Variants in LY6G6F observed in about 807,000 individuals in gnomAD.
LY6G6F encodes lymphocyte antigen 6 complex locus protein G6f.
A neutral mutation model predicts 33.0 loss-of-function variants in LY6G6F; 26 were observed. That is an observed-to-expected ratio of 0.79 (90% CI 0.58 to 1.09). The LOEUF is 1.09. Ranked by LOEUF, LY6G6F falls within the 50% of genes least tolerant of loss-of-function variation. The pLI, the probability that LY6G6F is intolerant of heterozygous loss-of-function variation, is 0.00. For synonymous variants in LY6G6F, 132 were observed against 148.1 expected (o/e 0.89, Z 0.79); for missense variants, 317 against 372.0 (o/e 0.85, Z 1.22).
At chr6:31,708,486 T>C in intron 3 of LY6G6F, among the ~76,000 whole-genome samples, 1 of 152,192 alleles carries the variant, frequency 6.6e-6, no homozygotes, top group East Asian at 1.9e-4. Flanking sequence ...CACATCTGGC[T>C]ATTTTTTCTT....
In LY6G6F at chr6:31,707,572, G is replaced by A. The variant is rs781440872; in HGVS notation, c.167G>A (p.Gly56Asp). Residue 56 changes from glycine (G) to aspartate (D), a missense_variant, in exon 2 of 6, where the codon GGC becomes GAC. Physicochemically the swap from Gly to Asp is moderately conservative, Grantham distance 94. Transcript: ENST00000375832. This position sits in a 1 kb window ranked among gnomAD's most constrained non-coding sequence, Gnocchi z 4.1. ...HLSWFCSPAA[G>D]SFTTLVAQVQ... Reference sequence around the variant, plus strand: ...TCATGGTTCTGCAGCCCTGCAGCAGGCTCCTTCACCACCCTGGTAGCCCAA... The same window carrying A: ...TCATGGTTCTGCAGCCCTGCAGCAGACTCCTTCACCACCCTGGTAGCCCAA... The A allele has an allele frequency of 6.2e-7, 1 of 1,613,840 alleles. No homozygotes were observed. Among genetic ancestry groups the A allele is most frequent in the African/African-American group, 1.3e-5 (1 of 74,922 alleles).
Position 31,710,145 on chromosome 6 carries a change from C to T in LY6G6F, c.766C>T (p.Leu256Phe). ...GVVILALSIV[L>F]WRQRVRGAPG... The stretch of plus-strand genomic sequence containing the variant: ...TGTCATCCTGGCCCTCAGCATCGTG[C>T]TCTGGAGGCAGAGGGTCCGTGGGGC... The change falls in exon 4 of 6, where the codon CTC becomes TTC. Residue 256 changes from leucine to phenylalanine, a missense_variant. Physicochemically the swap from Leu to Phe is conservative, Grantham distance 22. Transcript: ENST00000375832. This position sits in a 1 kb window ranked among gnomAD's most constrained non-coding sequence, Gnocchi z 4.7. 1 of 1,612,944 alleles carries T rather than the reference C, an allele frequency of 6.2e-7. No individual in the cohort carries two copies.
rs71552074 is a variant in LY6G6F at position 31,709,064 on chromosome 6, CTTTTTTTTTT to C, written c.647-945_647-936del. On this transcript the variant is annotated intron_variant, in intron 3 of 5. Transcript: ENST00000375832. ...ATAGGTGTGAGCCACCACGCCTGGC[CTTTTTTTTTT>C]TTTTTTTTTTTTTTTTGGGATGGAG... Among the ~76,000 whole-genome samples the C allele has an allele frequency of 5.2e-3, 273 of 52,212 alleles. 3 individuals carry two copies. The highest frequency in any genetic ancestry group is 0.025 in the African/African-American group (254 of 10,034). 34.3% of individuals were successfully genotyped at this position (52,212 alleles called of 152,430 possible).
Position 31,707,947 on chromosome 6 carries a change from C to T in LY6G6F, c.459C>T (p.Arg153=). ...VLLCSVVPSR[R]MDSVTWQEGK... is the part of the protein sequence containing the mutation. ...TGTGCTCTGTGGTCCCCAGCAGACG[C>T]ATGGACTCTGTGACCTGGCAGGAAG... The change falls in exon 3 of 6, where the codon CGC becomes CGT. Residue 153 remains arginine (R), a synonymous_variant. Transcript: ENST00000375832. This position sits in a 1 kb window ranked among gnomAD's most constrained non-coding sequence, Gnocchi z 4.1. 2 of 1,613,214 alleles carry T rather than the reference C, an allele frequency of 1.2e-6. No individual in the cohort carries two copies. Among genetic ancestry groups the T allele is most frequent in the Non-Finnish European group, 1.7e-6 (2 of 1,180,032 alleles).
In LY6G6F at chr6:31,710,359, G is replaced by A. The variant is rs761547778; in HGVS notation, c.810G>A (p.Ser270=). ...ATGGCTCCTTCTCCCCAGATGCCTCGATTCCTCAGTTCAAACCCGAAATCC... is the reference window on the plus strand; with the variant it reads ...ATGGCTCCTTCTCCCCAGATGCCTCAATTCCTCAGTTCAAACCCGAAATCC... ...RVRGAPGRDA[S]IPQFKPEIQV... Residue 270 remains serine (S), a synonymous_variant, in exon 5 of 6, where the codon TCG becomes TCA. Coordinates refer to ENST00000375832, the MANE Select transcript of LY6G6F (RefSeq NM_001003693.3). The surrounding 1 kb of genome is among the most constrained non-coding windows in gnomAD (Gnocchi z 4.7). 4.3e-6 allele frequency: 7 copies of A among 1,613,990 alleles called. No homozygotes were observed. The highest frequency in any genetic ancestry group is 2.2e-5 in the South Asian group (2 of 91,078).
rs181304187 is a variant in LY6G6F at position 31,707,406 on chromosome 6, G to A, written c.53-52G>A. 138 of 1,513,366 alleles carry A rather than the reference G, an allele frequency of 9.1e-5. No homozygotes were observed. In the East Asian group the frequency reaches 2.8e-3, roughly 31 times the overall value. The allele number at this position is 1,513,366 out of a possible 1,614,324, so 93.7% of individuals were successfully genotyped here. A position where few individuals can be genotyped will look rare whatever the true frequency, so the allele number is the denominator to read the frequency against. The stretch of plus-strand genomic sequence containing the variant: ...AAGCCAGGGTTGAAGATCAAATGGG[G>A]GGTTATTGATCTGATGGAGGTCTCT... On this transcript the variant is annotated intron_variant, in intron 1 of 5. Coordinates refer to ENST00000375832, the MANE Select transcript of LY6G6F (RefSeq NM_001003693.3). This position sits in a 1 kb window ranked among gnomAD's most constrained non-coding sequence, Gnocchi z 4.1.
Position 31,710,463 on chromosome 6 carries a change from T to C in LY6G6F, c.869+45T>C, listed in dbSNP as rs1466610911. On this transcript the variant is annotated intron_variant, in intron 5 of 5. Coordinates refer to ENST00000375832, the MANE Select transcript of LY6G6F (RefSeq NM_001003693.3). The surrounding 1 kb of genome is among the most constrained non-coding windows in gnomAD (Gnocchi z 4.7). ...CAGAGGCTTAAATCCTGGAGGGGAC[T>C]GGGGATGGAGAGGAAACACGGGTTG... 6 of 1,613,726 alleles carry C rather than the reference T, an allele frequency of 3.7e-6. No homozygotes were observed. Among genetic ancestry groups the C allele is most frequent in the Non-Finnish European group, 5.1e-6 (6 of 1,179,696 alleles).
Position 31,707,646 on chromosome 6 carries a change from T to G in LY6G6F, c.241T>G (p.Ser81Ala). 1.2e-6 allele frequency: 2 copies of G among 1,613,818 alleles called. No individual in the cohort carries two copies. The highest frequency in any genetic ancestry group is 1.7e-6 in the Non-Finnish European group (2 of 1,179,840). The stretch of plus-strand genomic sequence containing the variant: ...AGACCCTGGAAAACCAGGAAGGGAA[T>G]CCAGGCTCAGACTGCTGGGGAACTA... ...APDPGKPGRESRLRLLGNYSL... is the reference protein window; with the variant it reads ...APDPGKPGREARLRLLGNYSL... The change falls in exon 2 of 6, where the codon TCC becomes GCC. Residue 81 changes from serine to alanine, a missense_variant. Ser to Ala is a moderately conservative substitution (Grantham distance 99, BLOSUM62 1). Coordinates refer to ENST00000375832, the MANE Select transcript of LY6G6F (RefSeq NM_001003693.3). The surrounding 1 kb of genome is among the most constrained non-coding windows in gnomAD (Gnocchi z 4.1).
chr6:31,707,858 C>G lies in LY6G6F; in HGVS notation c.383-13C>G. On this transcript the variant is annotated splice_polypyrimidine_tract_variant and intron_variant, in intron 2 of 5. Transcript: ENST00000375832. The surrounding 1 kb of genome is among the most constrained non-coding windows in gnomAD (Gnocchi z 4.1). ...CCAGGTGAAGAACTGAGGAATCCCT[C>G]TCTCCCCTACAGGATCCCAGTTATC... The G allele has an allele frequency of 2.5e-6, 4 of 1,610,582 alleles. No homozygotes were observed. The highest frequency in any genetic ancestry group is 2.5e-6 in the Non-Finnish European group (3 of 1,177,550).
Position 31,707,044 on chromosome 6 carries a change from G to A in LY6G6F, c.52+86G>A. ...TCTTTCTCCTAGGAGCCTGGCGAAG[G>A]CATCTGACTCAAGAAGATAGAATTA... On this transcript the variant is annotated intron_variant, in intron 1 of 5. Transcript: ENST00000375832. The surrounding 1 kb of genome is among the most constrained non-coding windows in gnomAD (Gnocchi z 4.1). 2 of 1,430,816 alleles carry A rather than the reference G, an allele frequency of 1.4e-6. No homozygotes were observed. The highest frequency in any genetic ancestry group is 2.0e-6 in the Non-Finnish European group (2 of 1,014,188). 88.6% of individuals were successfully genotyped at this position (1,430,816 alleles called of 1,614,324 possible).
At position 31,710,215 on chromosome 6, in the gene LY6G6F, C is replaced by T; in HGVS notation, c.802+34C>T. ...CTCCCTCCCCGGGGAAAGAAGAGGGCACATGGGTGGGAGGCAAAGGGCTAG... is the reference window on the plus strand; with the variant it reads ...CTCCCTCCCCGGGGAAAGAAGAGGGTACATGGGTGGGAGGCAAAGGGCTAG... On this transcript the variant is annotated intron_variant, in intron 4 of 5. Transcript: ENST00000375832. This position sits in a 1 kb window ranked among gnomAD's most constrained non-coding sequence, Gnocchi z 4.7. 2.5e-6 allele frequency: 4 copies of T among 1,607,568 alleles called. No individual in the cohort carries two copies. The highest frequency in any genetic ancestry group is 2.6e-6 in the Non-Finnish European group (3 of 1,176,176).
At position 31,710,199 on chromosome 6, in the gene LY6G6F, C is replaced by T. The variant is rs367936031; in HGVS notation, c.802+18C>T. 108 of 1,608,050 alleles carry T rather than the reference C, an allele frequency of 6.7e-5. 1 individual carries two copies. In the East Asian group the frequency reaches 1.8e-3, roughly 26 times the overall value. ...AGGCAGAGGTGAGTCCCTCCCTCCCCGGGGAAAGAAGAGGGCACATGGGTG... is the reference window on the plus strand; with the variant it reads ...AGGCAGAGGTGAGTCCCTCCCTCCCTGGGGAAAGAAGAGGGCACATGGGTG... On this transcript the variant is annotated intron_variant, in intron 4 of 5. Coordinates refer to ENST00000375832, the MANE Select transcript of LY6G6F (RefSeq NM_001003693.3). The surrounding 1 kb of genome is among the most constrained non-coding windows in gnomAD (Gnocchi z 4.7).
intron 3 of LY6G6F, among the ~76,000 whole-genome samples, chr6:31,709,550 G>A (rs377553606): frequency 2.0e-5 from 3 of 152,052 alleles, no homozygotes; most frequent in African/African-American, 4.8e-5. Context: ...GAGCCACAGC[G>A]CCCGGCCTCT....
In LY6G6F at chr6:31,710,371, C is replaced by G. The variant is rs1344707913; in HGVS notation, c.822C>G (p.Phe274Leu). The G allele has an allele frequency of 1.2e-6, 2 of 1,614,172 alleles. No individual in the cohort carries two copies. The highest frequency in any genetic ancestry group is 1.7e-6 in the Non-Finnish European group (2 of 1,180,038). ...CCCCAGATGCCTCGATTCCTCAGTT[C>G]AAACCCGAAATCCAGGTCTATGAGA... ...APGRDASIPQ[F>L]KPEIQVYENI... is the part of the protein sequence containing the mutation. The change falls in exon 5 of 6, where the codon TTC (phenylalanine) becomes TTG (leucine). Residue 274 changes from phenylalanine to leucine, a missense_variant. By Grantham distance (22) the Phe-to-Leu change is conservative. Coordinates refer to ENST00000375832, the MANE Select transcript of LY6G6F (RefSeq NM_001003693.3). This position sits in a 1 kb window ranked among gnomAD's most constrained non-coding sequence, Gnocchi z 4.7.
At position 31,707,413 on chromosome 6, in the gene LY6G6F, T is replaced by C. The variant is rs563348362; in HGVS notation, c.53-45T>C. ...GGTTGAAGATCAAATGGGGGGTTAT[T>C]GATCTGATGGAGGTCTCTGGCCTCA... On this transcript the variant is annotated intron_variant, in intron 1 of 5. Coordinates refer to ENST00000375832, the MANE Select transcript of LY6G6F (RefSeq NM_001003693.3). This position sits in a 1 kb window ranked among gnomAD's most constrained non-coding sequence, Gnocchi z 4.1. The C allele has an allele frequency of 6.4e-7, 1 of 1,555,736 alleles. No individual in the cohort carries two copies. The highest frequency in any genetic ancestry group is 8.8e-7 in the Non-Finnish European group (1 of 1,134,464).
intron 3 of LY6G6F, among the ~76,000 whole-genome samples, chr6:31,709,268 G>GT (rs753450115): frequency 0.17 from 23,436 of 138,654 alleles, 2,059 homozygotes; most frequent in Admixed American, 0.22. Context: ...GTTTTTTTTT[G>GT]TTTTTTTTTT....
At position 31,706,980 on chromosome 6, in the gene LY6G6F, A is replaced by G. The variant is rs778118766; in HGVS notation, c.52+22A>G. 3 of 1,612,658 alleles carry G rather than the reference A, an allele frequency of 1.9e-6. No homozygotes were observed. The African/African-American group carries it at 4.0e-5, about 22-fold the overall frequency. ...GCAGGTAAGGGGCAAGAGGTACGGGATTCCTTAGCTATTTGCAAGGTTGGG... is the reference window on the plus strand; with the variant it reads ...GCAGGTAAGGGGCAAGAGGTACGGGGTTCCTTAGCTATTTGCAAGGTTGGG... On this transcript the variant is annotated intron_variant, in intron 1 of 5. Transcript: ENST00000375832.
At position 31,707,441 on chromosome 6, in the gene LY6G6F, C is replaced by T; in HGVS notation, c.53-17C>T. 6.2e-7 allele frequency: 1 copy of T among 1,609,534 alleles called. No individual in the cohort carries two copies. Among genetic ancestry groups the T allele is most frequent in the Non-Finnish European group, 8.5e-7 (1 of 1,176,518 alleles). ...TCTGATGGAGGTCTCTGGCCTCATA[C>T]AACCCTCTTCCCACAGACAACATGC... On this transcript the variant is annotated splice_polypyrimidine_tract_variant and intron_variant, in intron 1 of 5. Transcript: ENST00000375832. The surrounding 1 kb of genome is among the most constrained non-coding windows in gnomAD (Gnocchi z 4.1).
Position 31,707,613 on chromosome 6 carries a change from C to T in LY6G6F, c.208C>T (p.Pro70Ser). The change falls in exon 2 of 6, where the codon CCA becomes TCA. Residue 70 changes from proline to serine, a missense_variant. Coordinates refer to ENST00000375832, the MANE Select transcript of LY6G6F (RefSeq NM_001003693.3). The surrounding 1 kb of genome is among the most constrained non-coding windows in gnomAD (Gnocchi z 4.1). The part of the protein sequence containing the change: ...TLVAQVQVGR[P>S]APDPGKPGRE... ...GGTAGCCCAAGTCCAAGTGGGCAGG[C>T]CAGCCCCAGACCCTGGAAAACCAGG... 1 of 1,613,806 alleles carries T rather than the reference C, an allele frequency of 6.2e-7. No homozygotes were observed. The highest frequency in any genetic ancestry group is 8.5e-7 in the Non-Finnish European group (1 of 1,179,838).
Sources: gnomAD v4.1 joint callset for allele counts (sites outside exome capture counted in the v4.1 genomes callset) on GRCh38, gnomAD v4.1.1 for gene constraint, Gnocchi (gnomAD v3.1) non-coding constraint, MANE v1.5 for transcripts, NCBI Gene and HGNC (gene_info 2026-07-23, HGNC 2026-07-21) for gene names.